USP25: variants seen among roughly 807,000 people sequenced by gnomAD.
USP25 encodes the protein ubiquitin carboxyl-terminal hydrolase 25.
USP25 carries 85 observed loss-of-function variants against 158.5 expected under a neutral mutation model. The observed-to-expected ratio is 0.54, with a 90% CI of 0.45 to 0.64. The LOEUF is 0.64. Among genes scored for constraint, USP25 ranks in the 30% least tolerant of loss-of-function variants. The pLI, the probability that USP25 is intolerant of heterozygous loss-of-function variation, is 0.00. For synonymous variants in USP25, 464 were observed against 460.4 expected (o/e 1.01, Z -0.10); for missense variants, 1,242 against 1,327.3 (o/e 0.94, Z 1.00).
intron 23 of USP25, among the ~76,000 whole-genome samples, chr21:15,873,798 C>T (rs977859490): frequency 6.6e-6 from 1 of 152,138 alleles, no homozygotes; most frequent in Non-Finnish European, 1.5e-5. Context: ...CGGCCTCTAT[C>T]AGCTTTTTTA....
intron 20 of USP25, among the ~76,000 whole-genome samples, chr21:15,852,143 C>T (rs558966085): frequency 1.3e-5 from 2 of 152,146 alleles, no homozygotes; most frequent in South Asian, 4.1e-4. Context: ...TCGAATTTGA[C>T]GTTTTACTCA....
At chr21:15,854,959 A>T (rs998325980) in intron 20 of USP25, among the ~76,000 whole-genome samples, 2 of 152,232 alleles carry the variant, frequency 1.3e-5, no homozygotes, top group Non-Finnish European at 2.9e-5. Flanking sequence ...CGGAGAGAAG[A>T]TTCTGTTGTG....
intron 4 of USP25, among the ~76,000 whole-genome samples, chr21:15,784,797 A>G (rs1020640089): frequency 1.3e-5 from 2 of 152,204 alleles, no homozygotes; most frequent in Non-Finnish European, 2.9e-5. Flanking sequence ...AAAGCTTAGC[A>G]TTATAGAAAA....
In USP25 at chr21:15,878,473, T is replaced by C; in HGVS notation, c.3376T>C (p.Ter1126GlnextTer6). The C allele has an allele frequency of 6.2e-7, 1 of 1,613,958 alleles. No individual in the cohort carries two copies. Among genetic ancestry groups the C allele is most frequent in the South Asian group, 1.1e-5 (1 of 91,052 alleles). The stretch of plus-strand genomic sequence containing the variant: ...CAGTCGAACTCCTGCTGATGGAAGA[T>C]AAACTGCACACTTTCCCTGAACACA... ...SLSRTPADGR* is the reference protein window; with the variant it reads ...SLSRTPADGRQ The change falls in exon 26 of 26, where the codon TAA becomes CAA. Residue 1126 changes from the stop codon to glutamine (Q), a stop_lost. Transcript: ENST00000400183.
chr21:15,799,727 A>G (rs2036037320), intron 5 of USP25, 30 bp from the exon 6 acceptor site: 1 of 1,459,856 alleles, frequency 6.8e-7, no homozygotes, highest in Non-Finnish European at 9.3e-7. Context: ...ATTTTCCCTC[A>G]GGTTATGTTA....
intron 4 of USP25, among the ~76,000 whole-genome samples, chr21:15,782,776 G>T (rs141674527): frequency 7.9e-5 from 12 of 152,196 alleles, no homozygotes; most frequent in Non-Finnish European, 1.6e-4. Flanking sequence ...AAAGCTGCTC[G>T]TTAAAATTGG....
chr21:15,843,334 G>C lies in USP25; in HGVS notation c.2337+794G>C, dbSNP rs1247596068. Among the ~76,000 whole-genome samples, 2 of 152,122 alleles carry C rather than the reference G, an allele frequency of 1.3e-5. No homozygotes were observed. The highest frequency in any genetic ancestry group is 2.9e-5 in the Non-Finnish European group (2 of 68,008). Reference sequence around the variant, plus strand: ...AGATTCCCCTTGACAACTAAAAAGAGTACGACATATCATAATTTTACAACA... The same window carrying C: ...AGATTCCCCTTGACAACTAAAAAGACTACGACATATCATAATTTTACAACA... On this transcript the variant is annotated intron_variant, in intron 18 of 25. Coordinates refer to ENST00000400183, the MANE Select transcript of USP25 (RefSeq NM_001283041.3). The surrounding 1 kb of genome is among the most constrained non-coding windows in gnomAD (Gnocchi z 4.0).
rs552430261 is a variant in USP25, at chr21:15,737,704, ACT to A, written c.45+7269_45+7270del. Among the ~76,000 whole-genome samples, 919 of 150,646 alleles carry A rather than the reference ACT, an allele frequency of 6.1e-3. 6 individuals are homozygous for A. Among genetic ancestry groups the A allele is most frequent in the Non-Finnish European group, 9.8e-3 (662 of 67,610 alleles). On this transcript the variant is annotated intron_variant, in intron 1 of 25. Coordinates refer to ENST00000400183, the MANE Select transcript of USP25 (RefSeq NM_001283041.3). ...TAAAGTTATATTTGCAACATTTTAT[ACT>A]CTTTTTCATCTGTGCTTGAGTTTTG... is the stretch of plus-strand genomic sequence containing the variant.
intron 5 of USP25, chr21:15,799,480 A>G (rs568186501): frequency 1.1e-4 from 23 of 211,442 alleles, no homozygotes; most frequent in Non-Finnish European, 2.0e-4. Context: ...TTTTGAGGAA[A>G]CTGCTTAAGT....
intron 3 of USP25, among the ~76,000 whole-genome samples, chr21:15,771,087 AT>A (rs1361016935): frequency 6.6e-6 from 1 of 152,220 alleles, no homozygotes; most frequent in East Asian, 1.9e-4. Context: ...TTTAACAAAT[AT>A]TTATTGTCTA....
At chr21:15,769,581 A>C (rs2034232464) in intron 3 of USP25, among the ~76,000 whole-genome samples, 1 of 152,146 alleles carries the variant, frequency 6.6e-6, no homozygotes, top group Non-Finnish European at 1.5e-5. Context: ...ACACAAATGA[A>C]AATGAGACCA....
At chr21:15,798,335 G>A (rs988041505) in intron 5 of USP25, among the ~76,000 whole-genome samples, 6 of 151,080 alleles carry the variant, frequency 4.0e-5, no homozygotes, top group Admixed American at 6.6e-5. Flanking sequence ...TTAAAGCTCC[G>A]CAGTTTATTA....
chr21:15,829,589 T>G (rs1437353177), intron 14 of USP25, among the ~76,000 whole-genome samples: 1 of 152,198 alleles, frequency 6.6e-6, no homozygotes, highest in Non-Finnish European at 1.5e-5. Flanking sequence ...TTTATATTGT[T>G]CTGTAAATTT....
chr21:15,814,268 C>T (rs551608507), intron 9 of USP25, among the ~76,000 whole-genome samples: 15 of 151,516 alleles, frequency 9.9e-5, no homozygotes, highest in African/African-American at 3.4e-4. Context: ...AACTGTAAGT[C>T]CAATTAAACC....
chr21:15,786,781 G>A (rs2035299308), intron 4 of USP25, among the ~76,000 whole-genome samples: 1 of 151,966 alleles, frequency 6.6e-6, no homozygotes, highest in African/African-American at 2.4e-5. Context: ...AGTTAGGCAG[G>A]GGAAAGAAAT....
At chr21:15,745,638 G>A (rs980815538) in intron 1 of USP25, among the ~76,000 whole-genome samples, 1 of 151,786 alleles carries the variant, frequency 6.6e-6, no homozygotes, top group Non-Finnish European at 1.5e-5. Context: ...ACCACGCTCA[G>A]CTAATTTTTG....
At chr21:15,733,933 A>G (rs545802995) in intron 1 of USP25, among the ~76,000 whole-genome samples, 1 of 152,342 alleles carries the variant, frequency 6.6e-6, no homozygotes, top group African/African-American at 2.4e-5. Flanking sequence ...GAAAGACAGG[A>G]TGTGGGATAG....
chr21:15,854,533 TGAAA>T (rs1244563708), intron 20 of USP25, among the ~76,000 whole-genome samples: 2 of 152,200 alleles, frequency 1.3e-5, no homozygotes, highest in African/African-American at 2.4e-5. Context: ...TTTTTGGCTA[TGAAA>T]GAAAGCTTTT....
chr21:15,730,373 G>A lies in USP25; in HGVS notation c.-21G>A, dbSNP rs1440989076. ...GGAGCCGGGCGCCACCGCCGCCGCC[G>A]CCGCCGCCGCCGCGGGGGCCATGAC... On this transcript the variant is annotated 5_prime_UTR_variant, in exon 1 of 26. Transcript: ENST00000400183. The A allele has an allele frequency of 1.6e-6, 2 of 1,224,622 alleles. No individual in the cohort carries two copies. Among genetic ancestry groups the A allele is most frequent in the Non-Finnish European group, 1.0e-6 (1 of 979,890 alleles). The allele number at this position is 1,224,622 out of a possible 1,614,324, so 75.9% of individuals were successfully genotyped here.
Sources: allele counts gnomAD v4.1 joint callset (sites outside exome capture counted in the v4.1 genomes callset), GRCh38; gene constraint gnomAD v4.1.1; non-coding constraint Gnocchi (gnomAD v3.1); transcripts MANE v1.5; gene names NCBI Gene and HGNC (gene_info 2026-07-23, HGNC 2026-07-21).